Variants in ACKR2 observed in about 807,000 individuals in gnomAD.
The protein encoded by ACKR2 is C-C chemokine receptor D6.
For synonymous variants in ACKR2, 207 were observed against 192.2 expected (o/e 1.08, Z -0.64); for missense variants, 457 against 477.3 (o/e 0.96, Z 0.40).
At chr3:42,854,956 A>C (rs2088296888) in intron 2 of ACKR2, among the ~76,000 whole-genome samples, 1 of 150,822 alleles carries the variant, frequency 6.6e-6, no homozygotes, top group East Asian at 2.0e-4. Flanking sequence ...TCCTGGGTTC[A>C]AGTGATTCTC....
chr3:42,836,962 G>C (rs1427390345), intron 2 of ACKR2, among the ~76,000 whole-genome samples: 1 of 152,180 alleles, frequency 6.6e-6, no homozygotes, highest in Non-Finnish European at 1.5e-5. Context: ...AATGTCTTTT[G>C]CAGTGGTTGT....
chr3:42,821,758 G>A (rs1387408964), intron 2 of ACKR2, among the ~76,000 whole-genome samples: 1 of 151,670 alleles, frequency 6.6e-6, no homozygotes, highest in African/African-American at 2.4e-5. Context: ...GTGCAGTGGC[G>A]CTATCTCGGC....
intron 2 of ACKR2, among the ~76,000 whole-genome samples, chr3:42,834,115 C>T (rs899737092): frequency 1.7e-4 from 26 of 152,072 alleles, no homozygotes; most frequent in South Asian, 6.2e-4. Flanking sequence ...TGCGCCTCCA[C>T]GCCCGGCTAA....
intron 2 of ACKR2, among the ~76,000 whole-genome samples, chr3:42,837,639 G>GC (rs2125611929): frequency 6.6e-6 from 1 of 152,180 alleles, no homozygotes; most frequent in African/African-American, 2.4e-5. Flanking sequence ...ATTGGATGGT[G>GC]CCCGCCCACA....
At chr3:42,815,611 G>T (rs1700740251) in intron 1 of ACKR2, among the ~76,000 whole-genome samples, 1 of 152,202 alleles carries the variant, frequency 6.6e-6, no homozygotes, top group African/African-American at 2.4e-5. Context: ...GAGCTTTTAA[G>T]TAAACAAAAA....
chr3:42,820,247 A>G (rs2125603947), intron 2 of ACKR2, among the ~76,000 whole-genome samples: 1 of 152,236 alleles, frequency 6.6e-6, no homozygotes, highest in Non-Finnish European at 1.5e-5. Context: ...ACTTCACCCA[A>G]ATTGGTTTCC....
At chr3:42,840,259 CAAAAAAAAAAAA>C (rs34830187) in intron 2 of ACKR2, among the ~76,000 whole-genome samples, 4 of 34,676 alleles carry the variant, frequency 1.2e-4, no homozygotes, top group East Asian at 1.9e-3. Flanking sequence ...GACTCCGTCT[CAAAAAAAAAAAA>C]AAAAAAAAAA....
chr3:42,812,208 G>A (rs1189896072), intron 1 of ACKR2, among the ~76,000 whole-genome samples: 1 of 152,196 alleles, frequency 6.6e-6, no homozygotes, highest in Non-Finnish European at 1.5e-5. Flanking sequence ...CCTCAGGGTT[G>A]TATAGTGCAT....
At chr3:42,823,918 C>G (rs763398591) in intron 2 of ACKR2, among the ~76,000 whole-genome samples, 1 of 152,156 alleles carries the variant, frequency 6.6e-6, no homozygotes, top group African/African-American at 2.4e-5. Flanking sequence ...CAATCACAGT[C>G]GTCCCTTCGT....
chr3:42,839,262 C>T (rs1267879696), intron 2 of ACKR2: 2 of 151,942 alleles, frequency 1.3e-5, no homozygotes, highest in African/African-American at 2.4e-5. Context: ...CCCTGCTGTC[C>T]CCAGAAAGCC....
At chr3:42,811,704 G>C (rs1243050557) in intron 1 of ACKR2, among the ~76,000 whole-genome samples, 11 of 152,274 alleles carry the variant, frequency 7.2e-5, no homozygotes, top group Admixed American at 7.2e-4. Flanking sequence ...CCCTGGGAAT[G>C]GAATGTCTCG....
chr3:42,811,422 G>A (rs140300249), intron 1 of ACKR2, among the ~76,000 whole-genome samples: 1 of 152,340 alleles, frequency 6.6e-6, no homozygotes, highest in East Asian at 1.9e-4. Flanking sequence ...CAGGCTGTAT[G>A]CTTGGTAAAA....
chr3:42,848,018 TGACTTAGCC>T (rs1701115692), intron 2 of ACKR2, among the ~76,000 whole-genome samples: 1 of 151,476 alleles, frequency 6.6e-6, no homozygotes, highest in Non-Finnish European at 1.5e-5. Context: ...ACTGAGGGAG[TGACTTAGCC>T]GTGGGCCACA....
At position 42,865,707 on chromosome 3, in the gene ACKR2, G is replaced by A. The variant is rs1280099461; in HGVS notation, c.*50G>A. 2 of 1,472,290 alleles carry A rather than the reference G, an allele frequency of 1.4e-6. No individual in the cohort carries two copies. The highest frequency in any genetic ancestry group is 1.3e-5 in the South Asian group (1 of 76,724). 91.2% of individuals were successfully genotyped at this position (1,472,290 alleles called of 1,614,324 possible). Reference sequence around the variant, plus strand: ...AACAGATGGGAACCAGCTCAATTGGGTGTCCACTCAAAGTGCTCTCTCCAG... The same window carrying A: ...AACAGATGGGAACCAGCTCAATTGGATGTCCACTCAAAGTGCTCTCTCCAG... On this transcript the variant is annotated 3_prime_UTR_variant, in exon 3 of 3. Coordinates refer to ENST00000422265, the MANE Select transcript of ACKR2 (RefSeq NM_001296.5).
At chr3:42,828,104 TTCTTTTCTTTTC>T (rs1700891569) in intron 2 of ACKR2, among the ~76,000 whole-genome samples, 3 of 128,970 alleles carry the variant, frequency 2.3e-5, no homozygotes, top group African/African-American at 9.1e-5. Flanking sequence ...TTTTTTTTTT[TTCTTTTCTTTTC>T]TTTTCTTTTC....
chr3:42,862,639 A>T (rs765432301), intron 2 of ACKR2, among the ~76,000 whole-genome samples: 10 of 152,266 alleles, frequency 6.6e-5, no homozygotes, highest in Non-Finnish European at 1.2e-4. Flanking sequence ...CGAAAACAGC[A>T]TGGTACTGCT....
intron 1 of ACKR2, among the ~76,000 whole-genome samples, chr3:42,816,403 C>T (rs1700750641): frequency 6.6e-6 from 1 of 151,922 alleles, no homozygotes; most frequent in Non-Finnish European, 1.5e-5. Flanking sequence ...TCAACTGGTT[C>T]CCATTAGCAA....
At chr3:42,845,878 A>C (rs368731913) in intron 2 of ACKR2, among the ~76,000 whole-genome samples, 1 of 151,118 alleles carries the variant, frequency 6.6e-6, no homozygotes, top group Non-Finnish European at 1.5e-5. Context: ...AAAAAGAAAA[A>C]AAGAAAACAA....
At chr3:42,820,095 A>G (rs1700794694) in intron 2 of ACKR2, among the ~76,000 whole-genome samples, 2 of 152,214 alleles carry the variant, frequency 1.3e-5, no homozygotes, top group Non-Finnish European at 2.9e-5. Context: ...TGATTGCATA[A>G]TAAATTGAGG....
Sources: allele counts gnomAD v4.1 joint callset (sites outside exome capture counted in the v4.1 genomes callset), GRCh38; gene constraint gnomAD v4.1.1; transcripts MANE v1.5; gene names NCBI Gene and HGNC (gene_info 2026-07-23, HGNC 2026-07-21).